KCNAB2: variants seen among roughly 807,000 people sequenced by gnomAD.
KCNAB2 encodes voltage-gated potassium channel subunit beta-2.
KCNAB2 carries 29 observed loss-of-function variants against 63.6 expected under a neutral mutation model. The observed-to-expected ratio is 0.46, with a 90% CI of 0.34 to 0.62. The LOEUF is 0.62. Among genes scored for constraint, KCNAB2 ranks in the 20% least tolerant of loss-of-function variants. The probability of loss-of-function intolerance (pLI) is 0.01; values close to 1 mark genes in which losing one functional copy is unlikely to be tolerated. For missense variants in KCNAB2, 359 were observed against 563.9 expected, an observed-to-expected ratio of 0.64 and a Z score of 3.68; for synonymous variants, 222 against 224.2, an observed-to-expected ratio of 0.99 and a Z score of 0.09.
At chr1:6,092,928 A>G (rs1243328967) in intron 10 of KCNAB2, among the ~76,000 whole-genome samples, 1 of 152,246 alleles carries the variant, frequency 6.6e-6, no homozygotes, top group Non-Finnish European at 1.5e-5. Flanking sequence ...CCACCACTCC[A>G]GAAACCCCAG....
intron 2 of KCNAB2, among the ~76,000 whole-genome samples, chr1:6,066,323 T>C (rs1662748537): frequency 6.6e-6 from 1 of 152,096 alleles, no homozygotes; most frequent in Non-Finnish European, 1.5e-5. Context: ...CCTCCCGGCC[T>C]CCCCAACTCC....
chr1:6,094,033 A>G (rs1233722993), intron 10 of KCNAB2, among the ~76,000 whole-genome samples: 2 of 152,098 alleles, frequency 1.3e-5, no homozygotes, highest in East Asian at 3.9e-4. Context: ...GGGCCCTCGA[A>G]TCTTCCCCAG....
At chr1:6,039,958 T>C (rs543308738) in intron 1 of KCNAB2, among the ~76,000 whole-genome samples, 58 of 152,284 alleles carry the variant, frequency 3.8e-4, no homozygotes, top group South Asian at 1.9e-3. Flanking sequence ...CAGCCCACAC[T>C]CCAGGACAGG....
In KCNAB2 at chr1:6,098,665, G is replaced by A; in HGVS notation, c.*91G>A. ...TGTTTTGAAGCCAAGTGAAGAGTGT[G>A]GTTTGCATCCAAGAGAAAACACCAC... On this transcript the variant is annotated 3_prime_UTR_variant, in exon 16 of 16. Transcript: ENST00000378083. 1 of 1,488,614 alleles carries A rather than the reference G, an allele frequency of 6.7e-7. No homozygotes were observed. Among genetic ancestry groups the A allele is most frequent in the Non-Finnish European group, 9.1e-7 (1 of 1,095,924 alleles). 92.2% of individuals were successfully genotyped at this position (1,488,614 alleles called of 1,614,324 possible).
In KCNAB2 at chr1:6,082,191, T is replaced by G. The variant is rs775353033; in HGVS notation, c.301-4T>G. ...GCAGGACAGTGTCGGTTTTCTCGTT[T>G]CAGATGGCAGAGCAGCTCATGACCT... On this transcript the variant is annotated splice_polypyrimidine_tract_variant and splice_region_variant and intron_variant, in intron 4 of 15. Coordinates refer to ENST00000378083, the MANE Select transcript of KCNAB2 (RefSeq NM_001199862.2). The G allele has an allele frequency of 3.1e-6, 5 of 1,613,436 alleles. No homozygotes were observed. The highest frequency in any genetic ancestry group is 4.2e-6 in the Non-Finnish European group (5 of 1,179,460).
At chr1:6,001,915 A>G (rs1318099061) in intron 1 of KCNAB2, among the ~76,000 whole-genome samples, 5 of 152,148 alleles carry the variant, frequency 3.3e-5, no homozygotes, top group Non-Finnish European at 7.4e-5. Context: ...AGCCGGGATC[A>G]TGGTGCAGCT....
intron 11 of KCNAB2, 34 bp from the exon 12 acceptor site, chr1:6,095,289 C>G: frequency 1.9e-6 from 3 of 1,588,264 alleles, no homozygotes; most frequent in Non-Finnish European, 2.6e-6. Flanking sequence ...TGCTCACAGG[C>G]AAGGGCCCTC....
At chr1:6,015,472 A>AGTTGAGTAATCGTAATGGT (rs1658438470) in intron 1 of KCNAB2, among the ~76,000 whole-genome samples, 1 of 152,220 alleles carries the variant, frequency 6.6e-6, no homozygotes, top group Non-Finnish European at 1.5e-5. Context: ...TTGCACCCAG[A>AGTTGAGTAATCGTAATGGT]GTTGAGTAAT....
Position 6,096,668 on chromosome 1 carries a change from T to C in KCNAB2, c.981T>C (p.Ser327=), listed in dbSNP as rs779274710. 9.3e-6 allele frequency: 15 copies of C among 1,609,536 alleles called. No homozygotes were observed. Among genetic ancestry groups the C allele is most frequent in the Admixed American group, 1.7e-5 (1 of 59,604 alleles). Reference sequence around the variant, plus strand: ...AGTGGCTGAAGGACAAGATCCTCAGTGAGGAGGGCCGGCGCCAGCAAGCCA... The same window carrying C: ...AGTGGCTGAAGGACAAGATCCTCAGCGAGGAGGGCCGGCGCCAGCAAGCCA... The part of the protein sequence containing the change: ...GYQWLKDKIL[S]EEGRRQQAKL... The change falls in exon 14 of 16, where the codon AGT becomes AGC. Residue 327 remains serine, a synonymous_variant. Transcript: ENST00000378083. The surrounding 1 kb of genome is among the most constrained non-coding windows in gnomAD (Gnocchi z 5.9).
At chr1:6,049,604 G>A (rs894087852) in intron 1 of KCNAB2, among the ~76,000 whole-genome samples, 4 of 152,206 alleles carry the variant, frequency 2.6e-5, no homozygotes, top group African/African-American at 9.6e-5. Flanking sequence ...TAGGGAGGGG[G>A]CCATCCAGCC....
chr1:6,015,580 C>G (rs907016624), intron 1 of KCNAB2, among the ~76,000 whole-genome samples: 2 of 152,220 alleles, frequency 1.3e-5, no homozygotes, highest in Non-Finnish European at 2.9e-5. Flanking sequence ...GCGTAAGCAC[C>G]CTGGGGAAGC....
At position 6,003,570 on chromosome 1, in the gene KCNAB2, T is replaced by A. The variant is rs1657385230; in HGVS notation, c.-53+10782T>A. Reference sequence around the variant, plus strand: ...CCTGGGAGATCCGGCAGCTCTTCACTCTTCCGAATCAGGCTGTGGGAAACG... The same window carrying A: ...CCTGGGAGATCCGGCAGCTCTTCACACTTCCGAATCAGGCTGTGGGAAACG... On this transcript the variant is annotated intron_variant, in intron 1 of 16. Transcript: ENST00000341524. The surrounding 1 kb of genome is among the most constrained non-coding windows in gnomAD (Gnocchi z 4.1). Among the ~76,000 whole-genome samples the A allele has an allele frequency of 2.0e-5, 3 of 152,220 alleles. No individual in the cohort carries two copies.
At chr1:6,040,639 T>C (rs1329371562) in exon 2 of KCNAB2, 2 of 1,612,510 alleles carry the variant, frequency 1.2e-6, no homozygotes, top group East Asian at 2.2e-5. Context: ...CCCGGGATGA[T>C]CTACAGGTGA....
Position 6,005,026 on chromosome 1 carries a change from A to G in KCNAB2, c.-53+12238A>G, listed in dbSNP as rs904732663. On this transcript the variant is annotated intron_variant, in intron 1 of 16. Coordinates refer to the KCNAB2 transcript ENST00000341524. The stretch of plus-strand genomic sequence containing the variant: ...CTGAGCTAAGGGGTGAGGGTGGAGT[A>G]GGGGGACGCGGGGGCTGAGCTGAGG... Among the ~76,000 whole-genome samples the G allele has an allele frequency of 3.4e-3, 192 of 57,016 alleles. 4 individuals are homozygous for G. Among genetic ancestry groups the G allele is most frequent in the Middle Eastern group, 0.014 (1 of 74 alleles). 37.4% of individuals were successfully genotyped at this position (57,016 alleles called of 152,430 possible).
chr1:6,046,445 A>C (rs1266626216), intron 1 of KCNAB2, among the ~76,000 whole-genome samples: 1 of 152,230 alleles, frequency 6.6e-6, no homozygotes, highest in Non-Finnish European at 1.5e-5. Flanking sequence ...CTCACAGCCC[A>C]GACCTGCCCA....
At chr1:6,007,129 C>T (rs1657844968) in intron 1 of KCNAB2, among the ~76,000 whole-genome samples, 1 of 152,166 alleles carries the variant, frequency 6.6e-6, no homozygotes, top group African/African-American at 2.4e-5. Context: ...AGACTCATAT[C>T]AGCCAGGCGA....
At chr1:6,075,070 C>T (rs1663550106) in intron 4 of KCNAB2, among the ~76,000 whole-genome samples, 1 of 152,076 alleles carries the variant, frequency 6.6e-6, no homozygotes, top group African/African-American at 2.4e-5. Flanking sequence ...AAAGGAATTG[C>T]CTTACCTCAG....
At chr1:6,019,581 G>A (rs1201242438) in intron 1 of KCNAB2, among the ~76,000 whole-genome samples, 1 of 152,158 alleles carries the variant, frequency 6.6e-6, no homozygotes, top group East Asian at 1.9e-4. Flanking sequence ...CTCTGGAGTT[G>A]GGCACTGGAG....
intron 4 of KCNAB2, 38 bp from the exon 5 acceptor site, chr1:6,082,157 C>T: frequency 1.3e-6 from 2 of 1,586,492 alleles, no homozygotes; most frequent in Non-Finnish European, 1.7e-6. Flanking sequence ...TGGGCCCCAC[C>T]CCCGGCTGGC....
Sources: gnomAD v4.1 joint callset for allele counts (sites outside exome capture counted in the v4.1 genomes callset) on GRCh38, gnomAD v4.1.1 for gene constraint, Gnocchi (gnomAD v3.1) non-coding constraint, MANE v1.5 for transcripts, NCBI Gene and HGNC (gene_info 2026-07-23, HGNC 2026-07-21) for gene names.